Variants in NUS1 observed in about 807,000 individuals in gnomAD.
The protein encoded by NUS1 is NUS1 dehydrodolichyl diphosphate synthase subunit.
For synonymous variants in NUS1, 135 were observed against 155.2 expected (o/e 0.87, Z 0.97); for missense variants, 292 against 382.9 (o/e 0.76, Z 1.98).
At chr6:117,703,481 G>A in intron 3 of NUS1, 124 bp from the exon 4 acceptor site, 2 of 713,318 alleles carry the variant, frequency 2.8e-6, no homozygotes, top group South Asian at 3.3e-5. Context: ...AACTTCTGAA[G>A]AAAACAGGTA....
At chr6:117,680,980 C>T (rs1453876322) in intron 1 of NUS1, among the ~76,000 whole-genome samples, 1 of 152,186 alleles carries the variant, frequency 6.6e-6, no homozygotes, top group Non-Finnish European at 1.5e-5. Flanking sequence ...ATCTTTTCAA[C>T]CTGTTTCTCA....
intron 1 of NUS1, among the ~76,000 whole-genome samples, chr6:117,682,583 A>T (rs1299802637): frequency 2.0e-5 from 3 of 152,136 alleles, no homozygotes; most frequent in Non-Finnish European, 4.4e-5. Flanking sequence ...CCGGGGTGAG[A>T]CCCTGCCTCA....
rs1307110552 is a variant in NUS1 at position 117,675,903 on chromosome 6, T to C, written c.233T>C (p.Leu78Pro). ...CGGCACCCGCGCGGGGGGTCGTGCC[T>C]GGCAGCCGCACACCACCGGATGCGC... is the stretch of plus-strand genomic sequence containing the variant. ...HHRHPRGGSC[L>P]AAAHHRMRWR... is the part of the protein sequence containing the mutation. Residue 78 changes from leucine to proline, a missense_variant, in exon 1 of 5, where the codon CTG becomes CCG. Coordinates refer to ENST00000368494, the MANE Select transcript of NUS1 (RefSeq NM_138459.5). The C allele has an allele frequency of 8.4e-6, 13 of 1,540,138 alleles. No individual in the cohort carries two copies. Among genetic ancestry groups the C allele is most frequent in the Non-Finnish European group, 1.1e-5 (12 of 1,141,752 alleles).
At chr6:117,696,840 C>T (rs976853376) in intron 3 of NUS1, among the ~76,000 whole-genome samples, 2 of 152,088 alleles carry the variant, frequency 1.3e-5, no homozygotes, top group African/African-American at 2.4e-5. Context: ...GTACAACTCT[C>T]ACTGGTAATA....
At chr6:117,690,979 CAAAAAA>C (rs71736900) in intron 1 of NUS1, among the ~76,000 whole-genome samples, 8 of 73,292 alleles carry the variant, frequency 1.1e-4, no homozygotes, top group African/African-American at 3.6e-4. Context: ...GAGTCTGTCT[CAAAAAA>C]AAAAAAAAAA....
chr6:117,676,764 G>A (rs1222308065), intron 1 of NUS1, among the ~76,000 whole-genome samples: 2 of 152,198 alleles, frequency 1.3e-5, no homozygotes, highest in African/African-American at 2.4e-5. Flanking sequence ...TAGCCATTCT[G>A]TGCTTTTTCA....
intron 4 of NUS1, among the ~76,000 whole-genome samples, chr6:117,705,451 G>GA (rs1278653404): frequency 6.6e-6 from 1 of 152,202 alleles, no homozygotes; most frequent in Non-Finnish European, 1.5e-5. Context: ...GTGGAGTTGA[G>GA]AATTTAAATC....
At chr6:117,676,235 G>A (rs1772978676) in intron 1 of NUS1, 150 bp downstream of exon 1, 3 of 1,242,796 alleles carry the variant, frequency 2.4e-6, no homozygotes, top group African/African-American at 3.0e-5. Context: ...CAGCTTTATT[G>A]AACACCTACT....
intron 1 of NUS1, among the ~76,000 whole-genome samples, chr6:117,690,072 T>C (rs1280998378): frequency 2.0e-5 from 3 of 152,218 alleles, no homozygotes; most frequent in African/African-American, 7.2e-5. Flanking sequence ...ATATAATGAT[T>C]ATATCCTACA....
chr6:117,703,990 T>A (rs1207808290), intron 4 of NUS1, among the ~76,000 whole-genome samples: 2 of 152,254 alleles, frequency 1.3e-5, no homozygotes, highest in African/African-American at 4.8e-5. Flanking sequence ...ATAAAATGGG[T>A]AGTTTTCTTA....
At chr6:117,703,943 A>G (rs1773464671) in intron 4 of NUS1, among the ~76,000 whole-genome samples, 1 of 152,154 alleles carries the variant, frequency 6.6e-6, no homozygotes. Context: ...CAGGAGTGAG[A>G]GATAACTGTA....
At position 117,707,334 on chromosome 6, in the gene NUS1, C is replaced by G. The variant is rs1773515600; in HGVS notation, c.*319C>G. 1.1e-5 allele frequency: 3 copies of G among 264,862 alleles called. No homozygotes were observed. The Admixed American group carries it at 1.4e-4, about 12-fold the overall frequency. 16.4% of individuals were successfully genotyped at this position (264,862 alleles called of 1,614,324 possible). A position where few individuals can be genotyped will look rare whatever the true frequency, so the allele number is the denominator to read the frequency against. ...GAAATGTCACACTTAAAGTCTTCAG[C>G]CCAGCTACTTCCCTATTTTTGTGGG... On this transcript the variant is annotated 3_prime_UTR_variant, in exon 5 of 5. Transcript: ENST00000368494.
chr6:117,703,835 T>G (rs62431968), intron 4 of NUS1, 131 bp downstream of exon 4: 256 of 687,230 alleles, frequency 3.7e-4, no homozygotes, highest in Non-Finnish European at 5.5e-4. Flanking sequence ...TATTTCACAG[T>G]ACCACTGGTA....
intron 1 of NUS1, among the ~76,000 whole-genome samples, chr6:117,686,814 T>G (rs1022150677): frequency 6.6e-6 from 1 of 151,530 alleles, no homozygotes; most frequent in African/African-American, 2.4e-5. Flanking sequence ...AAAGCCAACC[T>G]TATGTCTTGT....
chr6:117,685,877 A>G (rs775847649), intron 1 of NUS1, among the ~76,000 whole-genome samples: 1 of 151,732 alleles, frequency 6.6e-6, no homozygotes, highest in Non-Finnish European at 1.5e-5. Context: ...CAGGAGAATC[A>G]CTTGAACCCA....
Position 117,706,965 on chromosome 6 carries a change from T to C in NUS1, c.832T>C (p.Phe278Leu). 6.2e-7 allele frequency: 1 copy of C among 1,613,030 alleles called. No individual in the cohort carries two copies. Among genetic ancestry groups the C allele is most frequent in the Non-Finnish European group, 8.5e-7 (1 of 1,179,114 alleles). Residue 278 changes from phenylalanine to leucine, a missense_variant, in exon 5 of 5, where the codon TTC (phenylalanine) becomes CTC (leucine). Transcript: ENST00000368494. ...SHLNISYEDF[F>L]SALRQYAACE... ...CCTAAACATCAGTTATGAGGACTTT[T>C]TCTCTGCCCTTCGTCAATATGCAGC...
Position 117,709,024 on chromosome 6 carries a change from A to G in NUS1, c.*2009A>G, listed in dbSNP as rs1190876425. ...ATACTTGAAAGTACATCTGTAGCCT[A>G]TGATTTGAGTCTCTTGAAGTTCTAG... On this transcript the variant is annotated 3_prime_UTR_variant, in exon 5 of 5. Transcript: ENST00000368494. 3.9e-5 allele frequency: 6 copies of G among 152,216 alleles called. No homozygotes were observed. The East Asian group carries it at 9.6e-4, about 24-fold the overall frequency. 9.4% of individuals were successfully genotyped at this position (152,216 alleles called of 1,614,324 possible).
intron 1 of NUS1, among the ~76,000 whole-genome samples, chr6:117,681,803 GC>G (rs1773065174): frequency 6.6e-6 from 1 of 151,934 alleles, no homozygotes; most frequent in African/African-American, 2.4e-5. Context: ...CCTTTTTCTG[GC>G]AAAGGGCTAG....
At chr6:117,680,591 G>T (rs576291391) in intron 1 of NUS1, among the ~76,000 whole-genome samples, 1 of 152,324 alleles carries the variant, frequency 6.6e-6, no homozygotes, top group East Asian at 1.9e-4. Context: ...CTTAATGAGG[G>T]AACTGGGACC....
Sources: gnomAD v4.1 joint callset for allele counts (sites outside exome capture counted in the v4.1 genomes callset) on GRCh38, gnomAD v4.1.1 for gene constraint, MANE v1.5 for transcripts, NCBI Gene and HGNC (gene_info 2026-07-23, HGNC 2026-07-21) for gene names.